The following SCEL variants were observed in gnomAD, a reference collection of about 807,000 sequenced individuals.
The protein encoded by SCEL is sciellin.
SCEL carries 113 observed loss-of-function variants against 117.6 expected under a neutral mutation model. The observed-to-expected ratio is 0.96, with a 90% CI of 0.83 to 1.12. SCEL has a LOEUF of 1.12. Ranked by LOEUF, SCEL falls within the 50% of genes most tolerant of loss-of-function variation. SCEL has a pLI of 0.00. For missense variants in SCEL, 785 were observed against 810.8 expected (o/e 0.97, Z 0.39); for synonymous variants, 270 against 256.2 (o/e 1.05, Z -0.51).
intron 4 of SCEL, among the ~76,000 whole-genome samples, chr13:77,561,680 T>A (rs1346102323): frequency 6.6e-6 from 1 of 152,154 alleles, no homozygotes; most frequent in African/African-American, 2.4e-5. Flanking sequence ...TATCCACAAA[T>A]GAAAATACTA....
At chr13:77,621,455 C>T (rs1029103369) in intron 27 of SCEL, among the ~76,000 whole-genome samples, 1 of 152,228 alleles carries the variant, frequency 6.6e-6, no homozygotes, top group African/African-American at 2.4e-5. Context: ...GTCTCTCACT[C>T]AGGCTCTGGG....
At chr13:77,560,126 C>T (rs2084892960) in intron 4 of SCEL, among the ~76,000 whole-genome samples, 1 of 152,030 alleles carries the variant, frequency 6.6e-6, no homozygotes, top group African/African-American at 2.4e-5. Context: ...GGAAAGGACT[C>T]TCATAGAAAC....
At chr13:77,583,970 T>A (rs554291324) in intron 9 of SCEL, among the ~76,000 whole-genome samples, 1 of 152,368 alleles carries the variant, frequency 6.6e-6, no homozygotes, top group South Asian at 2.1e-4. Context: ...AGTGTTCACA[T>A]GTTTCTCGTG....
At chr13:77,538,487 G>C (rs1339413242) in intron 1 of SCEL, among the ~76,000 whole-genome samples, 1 of 151,452 alleles carries the variant, frequency 6.6e-6, no homozygotes, top group Non-Finnish European at 1.5e-5. Flanking sequence ...GGTAAACTGT[G>C]ATTTTTTTCC....
chr13:77,536,489 A>G (rs548104942), intron 1 of SCEL, among the ~76,000 whole-genome samples: 1 of 152,204 alleles, frequency 6.6e-6, no homozygotes, highest in Non-Finnish European at 1.5e-5. Context: ...CAACTTCTCT[A>G]TGGTATATTC....
chr13:77,612,449 T>C (rs928084538), intron 22 of SCEL, among the ~76,000 whole-genome samples: 2 of 96,404 alleles, frequency 2.1e-5, no homozygotes, highest in Non-Finnish European at 4.0e-5. Flanking sequence ...AACTGCTTTT[T>C]TCTTTTCTTT....
intron 32 of SCEL, 34 bp from the exon 33 acceptor site, chr13:77,644,224 T>C: frequency 1.2e-6 from 2 of 1,612,314 alleles, no homozygotes; most frequent in South Asian, 2.2e-5. Context: ...GTTTCTGTAC[T>C]GAATTTGCAC....
At chr13:77,629,481 GA>G (rs1481359156) in intron 28 of SCEL, among the ~76,000 whole-genome samples, 1 of 152,088 alleles carries the variant, frequency 6.6e-6, no homozygotes, top group Non-Finnish European at 1.5e-5. Flanking sequence ...AGAGTCCCGG[GA>G]AAATCTGCTA....
chr13:77,639,184 A>G (rs1051995620), intron 30 of SCEL, among the ~76,000 whole-genome samples: 11 of 152,176 alleles, frequency 7.2e-5, no homozygotes, highest in Admixed American at 4.6e-4. Context: ...GATGAAGGAC[A>G]TAGAGCACCT....
At chr13:77,549,933 C>G (rs1279951983) in intron 1 of SCEL, among the ~76,000 whole-genome samples, 1 of 151,504 alleles carries the variant, frequency 6.6e-6, no homozygotes, top group East Asian at 1.9e-4. Context: ...CCATTTTATT[C>G]TGGCAAAACC....
intron 9 of SCEL, among the ~76,000 whole-genome samples, chr13:77,578,003 C>A (rs1052779336): frequency 2.0e-5 from 3 of 152,166 alleles, no homozygotes. Flanking sequence ...TAACAAAACA[C>A]AACATATTCA....
intron 9 of SCEL, among the ~76,000 whole-genome samples, chr13:77,581,932 G>A (rs1271437496): frequency 6.6e-6 from 1 of 152,156 alleles, no homozygotes; most frequent in Non-Finnish European, 1.5e-5. Context: ...GATGGCTTTG[G>A]AGGAAGAAGA....
At chr13:77,597,488 C>G (rs1015972611) in intron 12 of SCEL, 57 bp from the exon 13 acceptor site, 9 of 993,072 alleles carry the variant, frequency 9.1e-6, no homozygotes, top group Middle Eastern at 3.0e-4. Context: ...GCAAATTTAC[C>G]CTTTGACCCT....
Position 77,535,804 on chromosome 13 carries a change from CT to C in SCEL, c.-39del, listed in dbSNP as rs1239458526. 3.3e-5 allele frequency: 5 copies of C among 152,314 alleles called. No individual in the cohort carries two copies. Among genetic ancestry groups the C allele is most frequent in the African/African-American group, 1.2e-4 (5 of 41,570 alleles). The allele number at this position is 152,314 out of a possible 1,614,324, so 9.4% of individuals were successfully genotyped here. On this transcript the variant is annotated 5_prime_UTR_variant, in exon 1 of 33. Transcript: ENST00000349847. ...CTACAGGCTGGTTAGCCAAAAAGTCCTGATTTTCTGCTCAATAGAGGTAAGT... is the reference window on the plus strand; with the variant it reads ...CTACAGGCTGGTTAGCCAAAAAGTCCGATTTTCTGCTCAATAGAGGTAAGT...
chr13:77,634,696 G>A (rs1044232661), intron 29 of SCEL, among the ~76,000 whole-genome samples: 3 of 151,974 alleles, frequency 2.0e-5, no homozygotes, highest in African/African-American at 7.2e-5. Flanking sequence ...TACATAATAG[G>A]GTTGCCATTT....
intron 11 of SCEL, among the ~76,000 whole-genome samples, chr13:77,592,388 TAG>T (rs1281592931): frequency 1.4e-4 from 22 of 152,176 alleles, no homozygotes; most frequent in African/African-American, 5.3e-4. Flanking sequence ...CACAGTTTAA[TAG>T]AGTTTTCTGC....
intron 1 of SCEL, among the ~76,000 whole-genome samples, chr13:77,542,517 T>C (rs934449667): frequency 5.3e-5 from 8 of 152,220 alleles, no homozygotes; most frequent in Non-Finnish European, 2.9e-5. Flanking sequence ...AGTTTCCCAA[T>C]GCTAAGCTTA....
intron 2 of SCEL, among the ~76,000 whole-genome samples, chr13:77,556,144 G>C (rs1230412154): frequency 5.3e-5 from 8 of 152,128 alleles, no homozygotes; most frequent in African/African-American, 1.9e-4. Flanking sequence ...TTAAAAATAT[G>C]ACCTTCTTTG....
At chr13:77,600,277 C>T (rs6563010) in intron 15 of SCEL, among the ~76,000 whole-genome samples, 31,720 of 151,932 alleles carry the variant, frequency 0.21, 4,128 homozygotes, top group African/African-American at 0.37. Flanking sequence ...TTCAAGTGCC[C>T]GCCACCACGC....
Sources: gnomAD v4.1 joint callset for allele counts (sites outside exome capture counted in the v4.1 genomes callset) on GRCh38, gnomAD v4.1.1 for gene constraint, MANE v1.5 for transcripts, NCBI Gene and HGNC (gene_info 2026-07-23, HGNC 2026-07-21) for gene names.